Variants in OXNAD1 observed in about 807,000 individuals in gnomAD.
OXNAD1 encodes the protein oxidoreductase NAD binding domain containing 1.
Under a neutral mutation model 32.9 loss-of-function variants are expected in OXNAD1, and 34 were observed. That is an observed-to-expected ratio of 1.03 (90% CI 0.79 to 1.38). OXNAD1 has a LOEUF of 1.38. Among genes scored for constraint, OXNAD1 ranks in the 40% most tolerant of loss-of-function variants. The probability of loss-of-function intolerance (pLI) is 0.00; values close to 1 mark genes in which losing one functional copy is unlikely to be tolerated. For synonymous variants in OXNAD1, 134 were observed against 135.2 expected (o/e 0.99, Z 0.06); for missense variants, 407 against 379.4 (o/e 1.07, Z -0.60).
chr3:16,335,121 C>T lies in OXNAD1; in HGVS notation c.*31-1991C>T, dbSNP rs147487560. ...CAACAAATGTAAGACAATAAACTTG[C>T]GTTGTTTTAAGTCACTAAATCTGTG... On this transcript the variant is annotated intron_variant, in intron 9 of 9. Transcript: ENST00000435829. The surrounding 1 kb of genome is among the most constrained non-coding windows in gnomAD (Gnocchi z 4.7). Among the ~76,000 whole-genome samples the T allele has an allele frequency of 4.6e-4, 70 of 152,332 alleles. No individual in the cohort carries two copies. Among genetic ancestry groups the T allele is most frequent in the Non-Finnish European group, 7.1e-4 (48 of 68,038 alleles).
downstream of OXNAD1, among the ~76,000 whole-genome samples, chr3:16,310,241 G>C (rs1486680591): frequency 2.0e-5 from 3 of 152,310 alleles, no homozygotes; most frequent in African/African-American, 4.8e-5. Context: ...TACGCATTTT[G>C]TGGACCTAGA....
At position 16,332,794 on chromosome 3, in the gene OXNAD1, CT is replaced by C. The variant is rs2070454371; in HGVS notation, c.*31-4315del. ...ATTTGTTGAAATCACTCATCTTCTACTTTATCTTCTTCTAATCTTTTTGTTC... is the reference window on the plus strand; with the variant it reads ...ATTTGTTGAAATCACTCATCTTCTACTTATCTTCTTCTAATCTTTTTGTTC... On this transcript the variant is annotated intron_variant, in intron 9 of 9. Transcript: ENST00000435829. Among the ~76,000 whole-genome samples, 3 of 79,340 alleles carry C rather than the reference CT, an allele frequency of 3.8e-5. No homozygotes were observed. In the Admixed American group the frequency reaches 3.9e-4, roughly 10 times the overall value. The allele number at this position is 79,340 out of a possible 152,430, so 52.1% of individuals were successfully genotyped here.
At chr3:16,268,334 T>TCGC (rs2064692145) in intron 1 of OXNAD1, among the ~76,000 whole-genome samples, 1 of 121,096 alleles carries the variant, frequency 8.3e-6, no homozygotes, top group African/African-American at 4.1e-5. Flanking sequence ...TTTTTTTTTT[T>TCGC]TTTTTTTTTT....
At chr3:16,331,744 T>C (rs1256044567) in intron 9 of OXNAD1, among the ~76,000 whole-genome samples, 2 of 152,244 alleles carry the variant, frequency 1.3e-5, no homozygotes, top group African/African-American at 4.8e-5. Context: ...AATTACTGTC[T>C]ATGGCTGGTA....
chr3:16,296,032 A>C (rs996063809), intron 6 of OXNAD1, among the ~76,000 whole-genome samples: 5 of 152,186 alleles, frequency 3.3e-5, no homozygotes, highest in African/African-American at 9.7e-5. Flanking sequence ...GTGGGGTGGG[A>C]CTTACAGCTC....
downstream of OXNAD1, among the ~76,000 whole-genome samples, chr3:16,338,276 G>T (rs1426798633): frequency 1.3e-5 from 2 of 152,234 alleles, no homozygotes; most frequent in Non-Finnish European, 2.9e-5. The surrounding 1 kb of genome is among the most constrained non-coding windows in gnomAD (Gnocchi z 5.3). Context: ...TGAGAACCAG[G>T]CAAGGCATGC....
intron 9 of OXNAD1, among the ~76,000 whole-genome samples, chr3:16,326,544 T>A (rs1021555707): frequency 6.6e-6 from 1 of 152,188 alleles, no homozygotes; most frequent in African/African-American, 2.4e-5. Flanking sequence ...TGGGCAGTAA[T>A]GACTCACAGG....
At chr3:16,349,738 A>G (rs1353286367) in exon 10 of OXNAD1, 1 of 152,274 alleles carries the variant, frequency 6.6e-6, no homozygotes, top group Non-Finnish European at 1.5e-5. Flanking sequence ...CAGCATTTGT[A>G]TCTGATTCAT....
rs1352423209 is a variant in OXNAD1, at chr3:16,329,740, G to A, written c.*31-7372G>A. On this transcript the variant is annotated intron_variant, in intron 9 of 9. Transcript: ENST00000435829. The surrounding 1 kb of genome is among the most constrained non-coding windows in gnomAD (Gnocchi z 4.5). ...AGCTTTGCGAGGTTATGATTACTTG[G>A]GCCTATCAAGAATAACCTTCCCACT... Among the ~76,000 whole-genome samples, 6 of 152,174 alleles carry A rather than the reference G, an allele frequency of 3.9e-5. No individual in the cohort carries two copies. Among genetic ancestry groups the A allele is most frequent in the African/African-American group, 7.2e-5 (3 of 41,510 alleles).
intron 9 of OXNAD1, among the ~76,000 whole-genome samples, chr3:16,347,158 G>A (rs2071778625): frequency 6.6e-6 from 1 of 152,080 alleles, no homozygotes; most frequent in East Asian, 1.9e-4. Flanking sequence ...TCCCACTATG[G>A]CTCCCTTCAA....
At position 16,298,944 on chromosome 3, in the gene OXNAD1, C is replaced by T. The variant is rs2066990453; in HGVS notation, c.433-2682C>T. Among the ~76,000 whole-genome samples, 1 of 152,104 alleles carries T rather than the reference C, an allele frequency of 6.6e-6. No homozygotes were observed. On this transcript the variant is annotated intron_variant, in intron 6 of 8. Coordinates refer to ENST00000285083, the MANE Select transcript of OXNAD1 (RefSeq NM_138381.5). This position sits in a 1 kb window ranked among gnomAD's most constrained non-coding sequence, Gnocchi z 5.1. The stretch of plus-strand genomic sequence containing the variant: ...CAGTTTTTATTGATCAACAAAAAGA[C>T]AAAGATGGCTTTTAATTCTTCCCGG...
chr3:16,275,345 G>T (rs1212615086), intron 4 of OXNAD1: 2 of 152,498 alleles, frequency 1.3e-5, no homozygotes, highest in African/African-American at 4.8e-5. Context: ...TGAAACAGGA[G>T]GATCACTTGA....
Position 16,324,953 on chromosome 3 carries a change from G to T in OXNAD1, c.*31-12159G>T, listed in dbSNP as rs754092806. ...TACAATCCCACCAAGAGTGTACAAGGGTTCTCTTTTCTCTATACCCTTGTC... is the reference window on the plus strand; with the variant it reads ...TACAATCCCACCAAGAGTGTACAAGTGTTCTCTTTTCTCTATACCCTTGTC... On this transcript the variant is annotated intron_variant, in intron 9 of 9. Transcript: ENST00000435829. Among the ~76,000 whole-genome samples the T allele has an allele frequency of 6.8e-4, 103 of 151,660 alleles. No homozygotes were observed. In the Middle Eastern group the frequency reaches 0.024, roughly 35 times the overall value.
chr3:16,275,537 C>G (rs1339947383), intron 4 of OXNAD1: 1 of 152,646 alleles, frequency 6.6e-6, no homozygotes, highest in Admixed American at 6.5e-5. Flanking sequence ...CCACTGCACT[C>G]CAGCCTGTGT....
Position 16,271,636 on chromosome 3 carries a change from C to T in OXNAD1, c.120-23C>T, listed in dbSNP as rs976573404. The T allele has an allele frequency of 6.5e-7, 1 of 1,546,488 alleles. No individual in the cohort carries two copies. ...TTTTTATGAGGATAATATGTAATAA[C>T]CTAATTTTACTTTCTATTAAAGCAT... On this transcript the variant is annotated intron_variant, in intron 3 of 8. Coordinates refer to ENST00000285083, the MANE Select transcript of OXNAD1 (RefSeq NM_138381.5). This position sits in a 1 kb window ranked among gnomAD's most constrained non-coding sequence, Gnocchi z 4.6.
rs1018334068 is a variant in OXNAD1, at chr3:16,303,323, T to C, written c.785-85T>C. On this transcript the variant is annotated intron_variant, in intron 8 of 8. Transcript: ENST00000285083. The surrounding 1 kb of genome is among the most constrained non-coding windows in gnomAD (Gnocchi z 4.8). ...ACTCACTGAACTTGGAAATAAACAC[T>C]GTATCTGAATTGTGGTTAGTCCTTC... is the stretch of plus-strand genomic sequence containing the variant. The C allele has an allele frequency of 1.7e-5, 25 of 1,454,050 alleles. 1 individual carries two copies. The highest frequency in any genetic ancestry group is 3.7e-5 in the Admixed American group (2 of 53,918). 90.1% of individuals were successfully genotyped at this position (1,454,050 alleles called of 1,614,324 possible). A position where few individuals can be genotyped will look rare whatever the true frequency, so the allele number is the denominator to read the frequency against.
chr3:16,309,139 CTTTCT>C (rs938210353), downstream of OXNAD1, among the ~76,000 whole-genome samples: 11 of 151,594 alleles, frequency 7.3e-5, no homozygotes, highest in East Asian at 3.9e-4. Flanking sequence ...CTATGTCTCT[CTTTCT>C]TTTAATACAC....
rs1284757638 is a variant in OXNAD1 at position 16,336,828 on chromosome 3, CAGT to C, written c.*31-281_*31-279del. 6.6e-6 allele frequency among the ~76,000 whole-genome samples: 1 copy of C among 152,168 alleles called. No homozygotes were observed. The highest frequency in any genetic ancestry group is 1.5e-5 in the Non-Finnish European group (1 of 68,030). ...TACCAGGTAAGAAAGGCAGCAAACT[CAGT>C]AGCCTTTTAGGAGCTCAACGAAATA... On this transcript the variant is annotated intron_variant, in intron 9 of 9. Transcript: ENST00000435829. This position sits in a 1 kb window ranked among gnomAD's most constrained non-coding sequence, Gnocchi z 6.0.
Position 16,318,424 on chromosome 3 carries a change from T to C in OXNAD1, c.*30+14832T>C, listed in dbSNP as rs188684808. Among the ~76,000 whole-genome samples the C allele has an allele frequency of 2.7e-3, 408 of 152,304 alleles. 3 individuals carry two copies. The highest frequency in any genetic ancestry group is 9.2e-3 in the African/African-American group (383 of 41,570). ...GGAGCCCAGGAATGCAGTTGCACCA[T>C]CAGTGGGAAATGATTTCTTAAGGCT... On this transcript the variant is annotated intron_variant, in intron 9 of 9. Transcript: ENST00000435829.
Sources: allele counts gnomAD v4.1 joint callset (sites outside exome capture counted in the v4.1 genomes callset), GRCh38; gene constraint gnomAD v4.1.1; non-coding constraint Gnocchi (gnomAD v3.1); transcripts MANE v1.5; gene names NCBI Gene and HGNC (gene_info 2026-07-23, HGNC 2026-07-21).